The following LIMS2 variants were observed in gnomAD, a reference collection of about 807,000 sequenced individuals.
LIMS2 encodes LIM zinc finger domain containing 2.
In LIMS2, 30 loss-of-function variants were observed where a neutral mutation model predicts 45.3. The observed-to-expected ratio is 0.66, with a 90% CI of 0.50 to 0.90. LIMS2 has a LOEUF of 0.90. Ranked by LOEUF, LIMS2 falls within the 40% of genes least tolerant of loss-of-function variation. The pLI, the probability that LIMS2 is intolerant of heterozygous loss-of-function variation, is 0.00. For missense variants in LIMS2, 485 were observed against 468.7 expected (o/e 1.03, Z -0.32); for synonymous variants, 173 against 188.0 (o/e 0.92, Z 0.65).
At chr2:127,679,273 C>T (rs1396864274), upstream of LIMS2, among the ~76,000 whole-genome samples, 1 of 151,908 alleles carries the variant, frequency 6.6e-6, no homozygotes, top group African/African-American at 2.4e-5. The surrounding 1 kb of genome is among the most constrained non-coding windows in gnomAD (Gnocchi z 5.3). Context: ...CACACAGTGC[C>T]CCTGGGGGGA....
At chr2:127,659,804 C>G (rs1056953695) in intron 1 of LIMS2, among the ~76,000 whole-genome samples, 3 of 152,212 alleles carry the variant, frequency 2.0e-5, no homozygotes, top group African/African-American at 7.2e-5. Flanking sequence ...CTCGCACCCC[C>G]TTCCAGGCTC....
rs1211663170 is a variant in LIMS2, at chr2:127,653,569, G to A, written c.359+855C>T. On this transcript the variant is annotated intron_variant, in intron 4 of 9. Coordinates refer to ENST00000355119, the MANE Select transcript of LIMS2 (RefSeq NM_001161403.3). The surrounding 1 kb of genome is among the most constrained non-coding windows in gnomAD (Gnocchi z 5.3). ...GGAGCCCCAGACGACTCCCCATGGA[G>A]AGACAGGGAGAAAGGTGACTCAGAG... Among the ~76,000 whole-genome samples, 1 of 152,204 alleles carries A rather than the reference G, an allele frequency of 6.6e-6. No individual in the cohort carries two copies. Among genetic ancestry groups the A allele is most frequent in the African/African-American group, 2.4e-5 (1 of 41,442 alleles).
At chr2:127,644,677 G>A (rs1475863997) in intron 4 of LIMS2, among the ~76,000 whole-genome samples, 3 of 152,190 alleles carry the variant, frequency 2.0e-5, no homozygotes, top group Admixed American at 6.5e-5. Flanking sequence ...TCAGCTCAAC[G>A]CCTCAAAACT....
intron 1 of LIMS2, among the ~76,000 whole-genome samples, chr2:127,660,273 T>C (rs1684531779): frequency 6.6e-6 from 1 of 152,064 alleles, no homozygotes; most frequent in Non-Finnish European, 1.5e-5. Flanking sequence ...AGGGGCCAAA[T>C]AAGGGAATAA....
chr2:127,665,888 A>G (rs898257075), intron 1 of LIMS2, among the ~76,000 whole-genome samples: 1 of 152,242 alleles, frequency 6.6e-6, no homozygotes, highest in Non-Finnish European at 1.5e-5. Context: ...TACAGCCACA[A>G]GTGTTTTGTG....
chr2:127,674,757 G>C (rs772936960), intron 1 of LIMS2: 140 of 985,290 alleles, frequency 1.4e-4, no homozygotes, highest in Middle Eastern at 5.2e-4. Context: ...GTGAGCAGAC[G>C]GCTGTCCCAT....
intron 1 of LIMS2, among the ~76,000 whole-genome samples, chr2:127,660,867 C>T (rs569457710): frequency 2.3e-4 from 35 of 150,534 alleles, no homozygotes; most frequent in African/African-American, 8.6e-4. Context: ...CTGAATGCAT[C>T]CAGGGAGATC....
At chr2:127,662,526 C>T (rs370117993) in intron 1 of LIMS2, among the ~76,000 whole-genome samples, 4 of 151,306 alleles carry the variant, frequency 2.6e-5, no homozygotes, top group Non-Finnish European at 4.4e-5. Context: ...ACCATGGGGA[C>T]GCTAGAAAAT....
upstream of LIMS2, among the ~76,000 whole-genome samples, chr2:127,675,810 C>T (rs1044087393): frequency 2.0e-5 from 3 of 152,202 alleles, no homozygotes; most frequent in Non-Finnish European, 2.9e-5. Flanking sequence ...GCAGTCCCGC[C>T]CCCAGGGAGG....
intron 4 of LIMS2, chr2:127,650,161 G>A: frequency 1.6e-6 from 2 of 1,267,430 alleles, no homozygotes; most frequent in South Asian, 1.3e-5. Context: ...CCAGGGGCAA[G>A]CCATGGTCAG....
At chr2:127,651,719 C>T in intron 4 of LIMS2, 1 of 1,612,954 alleles carries the variant, frequency 6.2e-7, no homozygotes, top group South Asian at 1.1e-5. Flanking sequence ...AAGGGAAAAC[C>T]AACGAGAGCT....
chr2:127,643,385 G>C (rs1291625499), intron 4 of LIMS2: 5 of 492,630 alleles, frequency 1.0e-5, no homozygotes, highest in Non-Finnish European at 2.0e-5. Context: ...ACATTTAATT[G>C]ATATCTGCTG....
intron 1 of LIMS2, among the ~76,000 whole-genome samples, chr2:127,673,161 C>T (rs1171740694): frequency 6.6e-6 from 1 of 152,140 alleles, no homozygotes; most frequent in South Asian, 2.1e-4. Flanking sequence ...TTTGAAGGAG[C>T]GGGTGCATTA....
At chr2:127,655,992 TG>T in intron 2 of LIMS2, 1 of 152,376 alleles carries the variant, frequency 6.6e-6, no homozygotes, top group South Asian at 2.1e-4. Context: ...ATTCCCGTCA[TG>T]GCCAACTCCT....
chr2:127,650,064 T>G, intron 4 of LIMS2: 1 of 1,606,462 alleles, frequency 6.2e-7, no homozygotes, highest in Non-Finnish European at 8.5e-7. Context: ...AGAGAGATGC[T>G]GAAACTCTCA....
At position 127,672,745 on chromosome 2, in the gene LIMS2, C is replaced by G. The variant is rs1434690878; in HGVS notation, c.11+2269G>C. 6.6e-6 allele frequency among the ~76,000 whole-genome samples: 1 copy of G among 152,248 alleles called. No homozygotes were observed. The highest frequency in any genetic ancestry group is 1.5e-5 in the Non-Finnish European group (1 of 68,042). ...TGGGTTCATCTGCAGACAGCATGGC[C>G]ACACATGCCACTCCAGGTCACTTTG... On this transcript the variant is annotated intron_variant, in intron 1 of 9. Transcript: ENST00000355119. The surrounding 1 kb of genome is among the most constrained non-coding windows in gnomAD (Gnocchi z 4.9).
Position 127,639,320 on chromosome 2 carries a change from G to GCTC in LIMS2, c.986_987insGAG (p.Arg329_Lys330insSer). The stretch of plus-strand genomic sequence containing the variant: ...GGTCTGTGGCCTTGGGCTGGGCCTT[G>GCTC]CGGGAGGTCAGCTCCGACAGCTTCT... On this transcript the variant is annotated inframe_insertion, in exon 10 of 10. Coordinates refer to ENST00000355119, the MANE Select transcript of LIMS2 (RefSeq NM_001161403.3). 6.2e-7 allele frequency: 1 copy of GCTC among 1,613,942 alleles called. No homozygotes were observed. Among genetic ancestry groups the GCTC allele is most frequent in the Non-Finnish European group, 8.5e-7 (1 of 1,179,932 alleles).
At chr2:127,679,908 C>T (rs1170658532), upstream of LIMS2, among the ~76,000 whole-genome samples, 1 of 152,176 alleles carries the variant, frequency 6.6e-6, no homozygotes, top group Admixed American at 6.5e-5. This position sits in a 1 kb window ranked among gnomAD's most constrained non-coding sequence, Gnocchi z 5.3. Context: ...AGCTAGCATG[C>T]CTTCCCAACA....
chr2:127,668,185 A>C (rs1685098484), intron 1 of LIMS2, among the ~76,000 whole-genome samples: 1 of 152,240 alleles, frequency 6.6e-6, no homozygotes, highest in Non-Finnish European at 1.5e-5. Context: ...GACCTAAATA[A>C]AGATATCCCA....
Sources: allele counts gnomAD v4.1 joint callset (sites outside exome capture counted in the v4.1 genomes callset), GRCh38; gene constraint gnomAD v4.1.1; non-coding constraint Gnocchi (gnomAD v3.1); transcripts MANE v1.5; gene names NCBI Gene and HGNC (gene_info 2026-07-23, HGNC 2026-07-21).